EYA2: variants seen among roughly 807,000 people sequenced by gnomAD.
EYA2 encodes the protein EYA transcriptional coactivator and phosphatase 2.
Under a neutral mutation model 69.2 loss-of-function variants are expected in EYA2, and 31 were observed. The observed-to-expected ratio is 0.45, with a 90% CI of 0.34 to 0.60. EYA2 has a LOEUF of 0.60. Ranked by LOEUF, EYA2 falls within the 20% of genes least tolerant of loss-of-function variation. EYA2 has a pLI of 0.02. For synonymous variants in EYA2, 257 were observed against 279.4 expected (o/e 0.92, Z 0.80); for missense variants, 622 against 701.2 (o/e 0.89, Z 1.28).
chr20:47,015,244 C>G (rs1983338114), intron 4 of EYA2, among the ~76,000 whole-genome samples: 2 of 152,168 alleles, frequency 1.3e-5, no homozygotes, highest in African/African-American at 2.4e-5. Context: ...TTCTACAATG[C>G]ATTCATTACA....
At position 47,054,381 on chromosome 20, in the gene EYA2, T is replaced by C. The variant is rs183354619; in HGVS notation, c.416-17804T>C. Among the ~76,000 whole-genome samples, 735 of 152,334 alleles carry C rather than the reference T, an allele frequency of 4.8e-3. 4 individuals carry two copies. Among genetic ancestry groups the C allele is most frequent in the Admixed American group, 0.011 (166 of 15,302 alleles). On this transcript the variant is annotated intron_variant, in intron 5 of 15. Transcript: ENST00000327619. The stretch of plus-strand genomic sequence containing the variant: ...GCAGTTTCCCCTGAAATTCATATAC[T>C]GTCAGCGTAGGGCTGGTGATGAAAA...
chr20:47,072,391 G>A (rs889867078), intron 6 of EYA2, 139 bp downstream of exon 6: 10 of 784,368 alleles, frequency 1.3e-5, no homozygotes, highest in South Asian at 6.4e-5. Context: ...GGAGACTACA[G>A]GGGCTAGATT....
At position 47,172,776 on chromosome 20, in the gene EYA2, C is replaced by T. The variant is rs201557595; in HGVS notation, c.1107C>T (p.Gly369=). The change falls in exon 12 of 16, where the codon GGC becomes GGT. Residue 369 remains glycine (G), a synonymous_variant. Coordinates refer to ENST00000327619, the MANE Select transcript of EYA2 (RefSeq NM_005244.5). ...GAGCCAACCTGTGCCTGGGCTCTGG[C>T]GTGCACGGCGGCGTGGACTGGATGA... The part of the protein sequence containing the change: ...APGANLCLGS[G]VHGGVDWMRK... 26 of 1,614,156 alleles carry T rather than the reference C, an allele frequency of 1.6e-5. No individual in the cohort carries two copies. The highest frequency in any genetic ancestry group is 9.3e-5 in the African/African-American group (7 of 75,048).
intron 1 of EYA2, among the ~76,000 whole-genome samples, chr20:46,896,921 T>C (rs1425544858): frequency 1.3e-5 from 2 of 152,218 alleles, no homozygotes; most frequent in Non-Finnish European, 2.9e-5. Flanking sequence ...ATGAGAATAC[T>C]CTATAAACAC....
intron 1 of EYA2, among the ~76,000 whole-genome samples, chr20:46,984,580 G>A (rs895838799): frequency 9.2e-5 from 14 of 152,274 alleles, no homozygotes; most frequent in South Asian, 2.1e-4. Flanking sequence ...AAGTGGGGCC[G>A]TGCCAAGTGT....
At chr20:46,908,236 G>A (rs1196306256) in intron 1 of EYA2, among the ~76,000 whole-genome samples, 2 of 152,206 alleles carry the variant, frequency 1.3e-5, no homozygotes, top group Admixed American at 6.5e-5. Context: ...GTAGGAGAGA[G>A]AAAATAAACA....
chr20:46,911,664 G>A (rs1264149060), intron 1 of EYA2, among the ~76,000 whole-genome samples: 2 of 152,154 alleles, frequency 1.3e-5, no homozygotes, highest in Non-Finnish European at 1.5e-5. Context: ...GGAACTGGAG[G>A]ACATTATGTT....
At chr20:47,068,903 A>G (rs1441094956) in intron 5 of EYA2, among the ~76,000 whole-genome samples, 1 of 152,172 alleles carries the variant, frequency 6.6e-6, no homozygotes, top group Non-Finnish European at 1.5e-5. Context: ...TCTAACCAGC[A>G]ACTAGTGTGA....
chr20:47,070,254 T>C (rs2031266286), intron 5 of EYA2, among the ~76,000 whole-genome samples: 1 of 152,230 alleles, frequency 6.6e-6, no homozygotes, highest in South Asian at 2.1e-4. Flanking sequence ...TGAGTAGATA[T>C]TTCATCAAAG....
chr20:47,097,037 T>G (rs188343062), intron 8 of EYA2, 48 bp from the exon 9 acceptor site: 6 of 1,350,242 alleles, frequency 4.4e-6, no homozygotes, highest in Non-Finnish European at 6.3e-6. Context: ...TTAAGTCAGA[T>G]GCACGTGAGT....
chr20:47,018,639 C>T (rs75945614), intron 5 of EYA2, among the ~76,000 whole-genome samples: 2,262 of 152,278 alleles, frequency 0.015, 55 homozygotes, highest in African/African-American at 0.05. Context: ...GCAAAGGCCC[C>T]GCGGCAGGAA....
chr20:47,128,547 GT>G (rs2033257034), intron 9 of EYA2, among the ~76,000 whole-genome samples: 1 of 151,968 alleles, frequency 6.6e-6, no homozygotes, highest in Non-Finnish European at 1.5e-5. Flanking sequence ...AAAAAATCTG[GT>G]GGTTATCTGC....
intron 7 of EYA2, among the ~76,000 whole-genome samples, chr20:47,087,074 T>C (rs564342988): frequency 6.6e-5 from 10 of 152,284 alleles, no homozygotes; most frequent in African/African-American, 2.4e-4. Context: ...TGGGAATCTC[T>C]CATGCTGCAT....
At chr20:46,958,348 A>C (rs923123553) in intron 1 of EYA2, among the ~76,000 whole-genome samples, 1 of 152,152 alleles carries the variant, frequency 6.6e-6, no homozygotes, top group African/African-American at 2.4e-5. Context: ...TTTCTCGCCA[A>C]CTGAGCCATG....
intron 6 of EYA2, 54 bp from the exon 7 acceptor site, chr20:47,074,104 C>A: frequency 6.7e-7 from 1 of 1,494,510 alleles, no homozygotes; most frequent in Non-Finnish European, 9.0e-7. Flanking sequence ...ACCAACGGCC[C>A]GAGCCCAGAA....
chr20:47,106,716 C>T (rs926536229), intron 9 of EYA2, among the ~76,000 whole-genome samples: 3 of 152,080 alleles, frequency 2.0e-5, no homozygotes, highest in African/African-American at 2.4e-5. Context: ...TCCTGGCACA[C>T]GTGGCAGGGT....
chr20:46,986,324 ATC>A (rs56397891), intron 1 of EYA2, among the ~76,000 whole-genome samples: 18 of 137,844 alleles, frequency 1.3e-4, no homozygotes, highest in South Asian at 4.7e-4. Flanking sequence ...TATATATAAT[ATC>A]TCTATATATC....
At chr20:47,031,278 G>A (rs1197773802) in intron 5 of EYA2, among the ~76,000 whole-genome samples, 1 of 152,234 alleles carries the variant, frequency 6.6e-6, no homozygotes, top group Non-Finnish European at 1.5e-5. Context: ...AAGTGGCTGA[G>A]GAGCCAAGGG....
intron 12 of EYA2, among the ~76,000 whole-genome samples, chr20:47,175,346 G>A (rs1600771832): frequency 6.6e-6 from 1 of 152,196 alleles, no homozygotes. Context: ...AGGAGGCAGG[G>A]GTTGAAATCA....
Sources: allele counts gnomAD v4.1 joint callset (sites outside exome capture counted in the v4.1 genomes callset), GRCh38; gene constraint gnomAD v4.1.1; transcripts MANE v1.5; gene names NCBI Gene and HGNC (gene_info 2026-07-23, HGNC 2026-07-21).